Variants in MYCBP2 observed in about 807,000 individuals in gnomAD.
MYCBP2 encodes MYC binding protein 2.
Under a neutral mutation model 525.3 loss-of-function variants are expected in MYCBP2, and 120 were observed. The ratio of observed to expected loss-of-function variants is 0.23; its 90% CI spans 0.20 to 0.27. The LOEUF (loss-of-function observed/expected upper bound fraction) is 0.27. MYCBP2 is among the 10% of genes least tolerant of loss of function. MYCBP2 has a pLI of 1.00. For synonymous variants in MYCBP2, 1,894 were observed against 1,955.8 expected, an observed-to-expected ratio of 0.97 and a Z score of 0.83; for missense variants, 4,149 against 5,657.1, an observed-to-expected ratio of 0.73 and a Z score of 8.55.
rs369470663 is a variant in MYCBP2, at chr13:77,126,476, T to C, written c.7726A>G (p.Met2576Val). Residue 2576 changes from methionine (M) to valine (V), a missense_variant, in exon 53 of 83, where the codon ATG becomes GTG. Met to Val is a conservative substitution (Grantham distance 21). Coordinates refer to ENST00000544440, the MANE Select transcript of MYCBP2 (RefSeq NM_015057.5). ...AAGAATGGCATATCTTGTTCTTGCA[T>C]TGTTGCTTCCTGTGGGCAGCAGGAG... is the stretch of plus-strand genomic sequence containing the variant. ...INSCCPQEAT[M>V]QEQDMPFLRG... 22 of 1,613,868 alleles carry C rather than the reference T, an allele frequency of 1.4e-5. No homozygotes were observed. The African/African-American group carries it at 1.7e-4, about 13-fold the overall frequency.
chr13:77,085,723 CAAA>C (rs2044137680), intron 62 of MYCBP2, among the ~76,000 whole-genome samples: 1 of 152,162 alleles, frequency 6.6e-6, no homozygotes, highest in Non-Finnish European at 1.5e-5. Flanking sequence ...GGCATCTGAA[CAAA>C]CCTAGGCCAG....
At chr13:77,214,865 T>C (rs1165856728) in intron 21 of MYCBP2, among the ~76,000 whole-genome samples, 2 of 152,210 alleles carry the variant, frequency 1.3e-5, no homozygotes, top group Non-Finnish European at 2.9e-5. Flanking sequence ...TATAATCTTA[T>C]GGGAACACCT....
At chr13:77,155,264 A>C (rs542557890) in intron 46 of MYCBP2, among the ~76,000 whole-genome samples, 2 of 152,134 alleles carry the variant, frequency 1.3e-5, no homozygotes, top group Non-Finnish European at 2.9e-5. Flanking sequence ...GAATGCATGA[A>C]GTAGTTGAAA....
chr13:77,080,306 G>A (rs1045873901), intron 65 of MYCBP2, among the ~76,000 whole-genome samples: 1 of 152,116 alleles, frequency 6.6e-6, no homozygotes, highest in Admixed American at 6.5e-5. Flanking sequence ...TACCACTGTG[G>A]CTCTTCCTGA....
At chr13:77,194,043 A>G (rs1469969494) in intron 27 of MYCBP2, 110 bp downstream of exon 27, 5 of 583,322 alleles carry the variant, frequency 8.6e-6, no homozygotes, top group Non-Finnish European at 1.5e-5. Context: ...CAAGTATTTG[A>G]TATTCATAGC....
intron 52 of MYCBP2, among the ~76,000 whole-genome samples, chr13:77,137,890 T>C (rs1029470791): frequency 4.6e-5 from 7 of 151,950 alleles, no homozygotes; most frequent in African/African-American, 1.7e-4. Flanking sequence ...GGCTCTCCCA[T>C]CTGTATAAAA....
chr13:77,276,816 G>GTTTTTTTTTTTTTTTTTTTTTTTTTTTT (rs397851660), intron 4 of MYCBP2, among the ~76,000 whole-genome samples: 1 of 76,232 alleles, frequency 1.3e-5, no homozygotes, highest in Non-Finnish European at 2.3e-5. Context: ...TCCATGCCCA[G>GTTTTTTTTTTTTTTTTTTTTTTTTTTTT]TTTTTTTTTT....
chr13:77,135,571 G>C (rs1458488535), intron 52 of MYCBP2, among the ~76,000 whole-genome samples: 1 of 152,192 alleles, frequency 6.6e-6, no homozygotes, highest in Non-Finnish European at 1.5e-5. Flanking sequence ...GACTCTGTAT[G>C]AGTCCTCAGT....
At chr13:77,280,252 A>G (rs1204949516) in intron 3 of MYCBP2, among the ~76,000 whole-genome samples, 3 of 152,234 alleles carry the variant, frequency 2.0e-5, no homozygotes, top group Non-Finnish European at 4.4e-5. Context: ...TAAAATGCTA[A>G]CAGACTTGAT....
chr13:77,243,760 A>G, intron 16 of MYCBP2, 46 bp downstream of exon 16: 1 of 1,546,174 alleles, frequency 6.5e-7, no homozygotes, highest in South Asian at 1.2e-5. Context: ...AGACTTACTG[A>G]GTTGAGGACA....
intron 34 of MYCBP2, among the ~76,000 whole-genome samples, chr13:77,179,701 T>C (rs2060034331): frequency 6.6e-6 from 1 of 152,248 alleles, no homozygotes; most frequent in Admixed American, 6.5e-5. Flanking sequence ...ATTTTAAGTA[T>C]GTATTTCTCT....
chr13:77,287,739 T>C (rs1274263650), intron 3 of MYCBP2, among the ~76,000 whole-genome samples: 1 of 152,144 alleles, frequency 6.6e-6, no homozygotes, highest in Non-Finnish European at 1.5e-5. Context: ...CATACCTGCA[T>C]CCCAGGTGAG....
intron 35 of MYCBP2, among the ~76,000 whole-genome samples, chr13:77,177,148 TAAAA>T (rs58976857): frequency 2.4e-5 from 3 of 126,794 alleles, no homozygotes; most frequent in Admixed American, 7.9e-5. Flanking sequence ...AATGACAATA[TAAAA>T]AAAAAAAAAA....
chr13:77,181,650 C>A, intron 33 of MYCBP2, 51 bp downstream of exon 33: 1 of 1,464,614 alleles, frequency 6.8e-7, no homozygotes, highest in Non-Finnish European at 9.5e-7. Context: ...ATAAATAAAA[C>A]CATTTAGAGT....
chr13:77,163,172 T>C (rs1198157731), intron 43 of MYCBP2, among the ~76,000 whole-genome samples: 1 of 152,216 alleles, frequency 6.6e-6, no homozygotes, highest in Admixed American at 6.5e-5. Flanking sequence ...ACTGCTATAT[T>C]AATCCACCCT....
rs140078246 is a variant in MYCBP2 at position 77,058,314 on chromosome 13, G to T, written c.13233C>A (p.His4411Gln). The T allele has an allele frequency of 1.1e-4, 178 of 1,614,154 alleles. No individual in the cohort carries two copies. In the African/African-American group the frequency reaches 2.1e-3, roughly 19 times the overall value. The change falls in exon 78 of 83, where the codon CAC becomes CAA. Residue 4411 changes from histidine to glutamine, a missense_variant. By Grantham distance (24) the His-to-Gln change is conservative. Transcript: ENST00000544440. This position sits in a 1 kb window ranked among gnomAD's most constrained non-coding sequence, Gnocchi z 4.1. ...KNEEHCLPCLHGCDKSATSLK... is the reference protein window; with the variant it reads ...KNEEHCLPCLQGCDKSATSLK... ...GGCTTGTGGCACTTTTGTCACAGCC[G>T]TGTAGACAGGGCAGACAGTGCTCTT...
intron 3 of MYCBP2, among the ~76,000 whole-genome samples, chr13:77,282,278 C>T (rs1303211759): frequency 5.3e-5 from 8 of 151,954 alleles, no homozygotes; most frequent in Non-Finnish European, 1.0e-4. Flanking sequence ...GGCATGGTGG[C>T]GCATGCCTGT....
intron 42 of MYCBP2, among the ~76,000 whole-genome samples, chr13:77,164,935 G>T (rs2058360528): frequency 6.6e-6 from 1 of 152,208 alleles, no homozygotes; most frequent in African/African-American, 2.4e-5. Flanking sequence ...GGGTCATGTT[G>T]CACAAACTCC....
intron 55 of MYCBP2, among the ~76,000 whole-genome samples, chr13:77,111,799 A>G (rs1248095527): frequency 6.6e-6 from 1 of 152,066 alleles, no homozygotes; most frequent in Non-Finnish European, 1.5e-5. Flanking sequence ...CCCAAATGTA[A>G]AACTGATCAT....
Sources: gnomAD v4.1 joint callset for allele counts (sites outside exome capture counted in the v4.1 genomes callset) on GRCh38, gnomAD v4.1.1 for gene constraint, Gnocchi (gnomAD v3.1) non-coding constraint, MANE v1.5 for transcripts, NCBI Gene and HGNC (gene_info 2026-07-23, HGNC 2026-07-21) for gene names.